KCNAB1: variants seen among roughly 807,000 people sequenced by gnomAD.
KCNAB1 encodes the protein voltage-gated potassium channel subunit beta-1.
A neutral mutation model predicts 64.6 loss-of-function variants in KCNAB1; 35 were observed. The observed-to-expected ratio is 0.54, with a 90% CI of 0.41 to 0.72. The LOEUF (loss-of-function observed/expected upper bound fraction) is 0.72, where lower values mean the gene tolerates loss of function less well. Ranked by LOEUF, KCNAB1 falls within the 30% of genes least tolerant of loss-of-function variation. KCNAB1 has a pLI of 0.00. For missense variants in KCNAB1, 401 were observed against 512.9 expected, an observed-to-expected ratio of 0.78 and a Z score of 2.11; for synonymous variants, 177 against 183.8, an observed-to-expected ratio of 0.96 and a Z score of 0.30.
intron 1 of KCNAB1, among the ~76,000 whole-genome samples, chr3:156,136,897 G>T (rs1714376779): frequency 6.6e-6 from 1 of 152,234 alleles, no homozygotes; most frequent in African/African-American, 2.4e-5. Context: ...ATGCTTTCTA[G>T]TTGAGGACTG....
At chr3:156,500,457 A>G (rs1478945580) in intron 8 of KCNAB1, among the ~76,000 whole-genome samples, 1 of 152,224 alleles carries the variant, frequency 6.6e-6, no homozygotes, top group Non-Finnish European at 1.5e-5. Flanking sequence ...TAATACATCA[A>G]GAAGTTAGAG....
intron 1 of KCNAB1, among the ~76,000 whole-genome samples, chr3:156,297,118 C>T (rs952020698): frequency 6.6e-6 from 1 of 152,162 alleles, no homozygotes; most frequent in Admixed American, 6.5e-5. Context: ...CACAGGGCTC[C>T]CTCATGTTAC....
chr3:156,162,506 G>A (rs1454674249), intron 1 of KCNAB1, among the ~76,000 whole-genome samples: 1 of 152,046 alleles, frequency 6.6e-6, no homozygotes, highest in East Asian at 1.9e-4. Flanking sequence ...TATTTTCATT[G>A]TATGTTCAGC....
chr3:156,445,441 A>G (rs1176235772), intron 2 of KCNAB1, among the ~76,000 whole-genome samples: 1 of 152,216 alleles, frequency 6.6e-6, no homozygotes, highest in Non-Finnish European at 1.5e-5. Flanking sequence ...TTCCACTCCC[A>G]GAAATTCTGA....
At chr3:156,287,748 C>T (rs1419674085) in intron 1 of KCNAB1, among the ~76,000 whole-genome samples, 1 of 150,560 alleles carries the variant, frequency 6.6e-6, no homozygotes, top group Non-Finnish European at 1.5e-5. Context: ...ACCCAGGAGG[C>T]AGAGGTTGCA....
At chr3:156,367,198 C>T (rs1318441065) in intron 1 of KCNAB1, among the ~76,000 whole-genome samples, 4 of 132,722 alleles carry the variant, frequency 3.0e-5, no homozygotes, top group South Asian at 2.5e-4. Context: ...TTTTCTGAGG[C>T]GGAGTCTCGC....
chr3:156,120,611 G>A lies in KCNAB1; in HGVS notation c.-1G>A, dbSNP rs763918747. On this transcript the variant is annotated 5_prime_UTR_variant, in exon 1 of 14. Transcript: ENST00000490337. ...CCAGTCTTCTCTGAAAGATCTCCACGATGCTGGCAGCCCGGACAGGGGCAG... is the reference window on the plus strand; with the variant it reads ...CCAGTCTTCTCTGAAAGATCTCCACAATGCTGGCAGCCCGGACAGGGGCAG... 1.1e-5 allele frequency: 17 copies of A among 1,613,764 alleles called. No homozygotes were observed. Among genetic ancestry groups the A allele is most frequent in the Middle Eastern group, 1.6e-4 (1 of 6,080 alleles).
At chr3:156,290,293 G>C (rs1182018840) in intron 1 of KCNAB1, among the ~76,000 whole-genome samples, 3 of 152,078 alleles carry the variant, frequency 2.0e-5, no homozygotes, top group Non-Finnish European at 4.4e-5. Flanking sequence ...TCTCCATATT[G>C]ATCTTCATTG....
intron 1 of KCNAB1, among the ~76,000 whole-genome samples, chr3:156,236,864 T>A (rs1334237811): frequency 1.5e-4 from 23 of 152,170 alleles, no homozygotes; most frequent in Admixed American, 1.5e-3. Context: ...CTAGCTTTTA[T>A]AGTTAGGCAT....
chr3:156,164,561 G>T (rs1267737107), intron 1 of KCNAB1, among the ~76,000 whole-genome samples: 1 of 152,078 alleles, frequency 6.6e-6, no homozygotes, highest in Non-Finnish European at 1.5e-5. Context: ...CTATTTATTT[G>T]CCCAGAAGAA....
rs1274329845 is a variant in KCNAB1 at position 156,531,410 on chromosome 3, G to A, written c.1083G>A (p.Ala361=). ...TGACCCAGTGTCCTCTCCTCCCAGC[G>A]TGGTGCCTGAGAAATGAAGGTGTGA... ...LGCTLPQLAV[A]WCLRNEGVSS... Residue 361 remains alanine, a splice_region_variant and synonymous_variant, in exon 13 of 14, where the codon GCG becomes GCA. Transcript: ENST00000490337. 44 of 1,611,648 alleles carry A rather than the reference G, an allele frequency of 2.7e-5. No homozygotes were observed. The highest frequency in any genetic ancestry group is 4.4e-5 in the South Asian group (4 of 91,056).
intron 1 of KCNAB1, among the ~76,000 whole-genome samples, chr3:156,333,851 C>T (rs1014526514): frequency 3.9e-5 from 6 of 152,110 alleles, no homozygotes; most frequent in African/African-American, 9.7e-5. Flanking sequence ...TGCATCTTTT[C>T]ACATATTTAA....
At chr3:156,457,136 G>A (rs1351705942) in intron 3 of KCNAB1, 3 of 990,836 alleles carry the variant, frequency 3.0e-6, no homozygotes, top group Non-Finnish European at 3.8e-6. Context: ...CTCTTTGTCA[G>A]AAAGATTAAG....
intron 5 of KCNAB1, 121 bp from the exon 6 acceptor site, chr3:156,463,581 C>T (rs1713107397): frequency 1.2e-6 from 1 of 804,126 alleles, no homozygotes. Context: ...TACCTCTTTA[C>T]CAATTTTTAA....
Position 156,127,789 on chromosome 3 carries a change from A to G in KCNAB1, c.275+6903A>G, listed in dbSNP as rs559716087. Among the ~76,000 whole-genome samples, 4 of 152,254 alleles carry G rather than the reference A, an allele frequency of 2.6e-5. No individual in the cohort carries two copies. In the East Asian group the frequency reaches 7.7e-4, roughly 29 times the overall value. On this transcript the variant is annotated intron_variant, in intron 1 of 13. Coordinates refer to ENST00000490337, the MANE Select transcript of KCNAB1 (RefSeq NM_172160.3). ...ACTCCATGGGAGTAGCCAAATGCACAGGGACTTGGTTCAGTCTGCACCCCT... is the reference window on the plus strand; with the variant it reads ...ACTCCATGGGAGTAGCCAAATGCACGGGGACTTGGTTCAGTCTGCACCCCT...
chr3:156,318,384 G>A (rs1360623573), intron 1 of KCNAB1, among the ~76,000 whole-genome samples: 1 of 152,120 alleles, frequency 6.6e-6, no homozygotes, highest in African/African-American at 2.4e-5. Context: ...GCCCCCGTAG[G>A]CCTCTATGAA....
intron 5 of KCNAB1, among the ~76,000 whole-genome samples, chr3:156,460,810 A>G (rs1453156947): frequency 2.6e-5 from 4 of 152,288 alleles, no homozygotes; most frequent in East Asian, 1.9e-4. Flanking sequence ...TTTTGCACAC[A>G]TGATTTAAAC....
chr3:156,372,384 T>G (rs955474930), intron 1 of KCNAB1, among the ~76,000 whole-genome samples: 1 of 152,214 alleles, frequency 6.6e-6, no homozygotes, highest in Non-Finnish European at 1.5e-5. Context: ...TTTTCAGGAT[T>G]AAGTTTAAAA....
intron 13 of KCNAB1, among the ~76,000 whole-genome samples, chr3:156,532,504 T>A (rs1199292686): frequency 1.3e-5 from 2 of 152,172 alleles, no homozygotes; most frequent in East Asian, 3.8e-4. Flanking sequence ...TATCTACCTG[T>A]CCCTGCAACA....
Sources: allele counts gnomAD v4.1 joint callset (sites outside exome capture counted in the v4.1 genomes callset), GRCh38; gene constraint gnomAD v4.1.1; transcripts MANE v1.5; gene names NCBI Gene and HGNC (gene_info 2026-07-23, HGNC 2026-07-21).